The following RHOJ variants were observed in gnomAD, a reference collection of about 807,000 sequenced individuals.
RHOJ encodes rho-related GTP-binding protein RhoJ.
Under a neutral mutation model 23.4 loss-of-function variants are expected in RHOJ, and 11 were observed. The ratio of observed to expected loss-of-function variants is 0.47; its 90% CI spans 0.30 to 0.78. The LOEUF is 0.78. RHOJ is among the 30% of genes least tolerant of loss of function. RHOJ has a pLI of 0.08. For synonymous variants in RHOJ, 102 were observed against 102.7 expected, an observed-to-expected ratio of 0.99 and a Z score of 0.04; for missense variants, 254 against 273.4, an observed-to-expected ratio of 0.93 and a Z score of 0.50.
chr14:63,227,183 C>A (rs2139743380), intron 1 of RHOJ, among the ~76,000 whole-genome samples: 1 of 152,196 alleles, frequency 6.6e-6, no homozygotes, highest in Admixed American at 6.5e-5. Flanking sequence ...AACTCCTGGC[C>A]TCAGGTGATC....
At chr14:63,273,593 G>A (rs1387451461) in intron 2 of RHOJ, among the ~76,000 whole-genome samples, 1 of 152,174 alleles carries the variant, frequency 6.6e-6, no homozygotes, top group Non-Finnish European at 1.5e-5. Flanking sequence ...CCAGGTTATG[G>A]CTTGCAGCCA....
chr14:63,276,154 G>A (rs1881712116), intron 2 of RHOJ, among the ~76,000 whole-genome samples: 1 of 152,168 alleles, frequency 6.6e-6, no homozygotes, highest in Admixed American at 6.5e-5. Context: ...AGAATCACCT[G>A]GAGGGCTTGT....
intron 1 of RHOJ, among the ~76,000 whole-genome samples, chr14:63,222,085 T>A (rs571738586): frequency 6.6e-6 from 1 of 151,474 alleles, no homozygotes; most frequent in African/African-American, 2.4e-5. Flanking sequence ...TTGGTTTTTT[T>A]GTCCTTGCGA....
chr14:63,281,373 A>G (rs565290428), intron 3 of RHOJ, among the ~76,000 whole-genome samples: 2 of 152,076 alleles, frequency 1.3e-5, no homozygotes, highest in South Asian at 2.1e-4. Flanking sequence ...AATCTCTATG[A>G]TTTTTTTTAA....
At chr14:63,228,012 A>C (rs1375893909) in intron 1 of RHOJ, among the ~76,000 whole-genome samples, 1 of 152,180 alleles carries the variant, frequency 6.6e-6, no homozygotes, top group Non-Finnish European at 1.5e-5. Flanking sequence ...TCCTAGGATA[A>C]GAACGGCTTC....
chr14:63,259,655 G>A (rs886227584), intron 1 of RHOJ, among the ~76,000 whole-genome samples: 1 of 152,122 alleles, frequency 6.6e-6, no homozygotes, highest in Non-Finnish European at 1.5e-5. Context: ...TTGCAGAAAG[G>A]ATCCAACCGC....
At chr14:63,267,098 G>T (rs1260142882) in intron 1 of RHOJ, among the ~76,000 whole-genome samples, 2 of 152,196 alleles carry the variant, frequency 1.3e-5, no homozygotes, top group South Asian at 2.1e-4. Context: ...CTACCATTGA[G>T]TTCAGTCCAG....
At chr14:63,259,949 G>A (rs757775402) in intron 1 of RHOJ, among the ~76,000 whole-genome samples, 3 of 152,148 alleles carry the variant, frequency 2.0e-5, no homozygotes, top group Non-Finnish European at 2.9e-5. Context: ...ATAATCTTAG[G>A]ATGACAACCA....
chr14:63,270,938 A>G (rs10139434), intron 2 of RHOJ, among the ~76,000 whole-genome samples: 26,747 of 152,088 alleles, frequency 0.18, 2,710 homozygotes, highest in African/African-American at 0.28. Flanking sequence ...GCTTCTGTTT[A>G]ATTTTAAATC....
chr14:63,278,894 G>A (rs1230741446), intron 2 of RHOJ, among the ~76,000 whole-genome samples: 1 of 152,154 alleles, frequency 6.6e-6, no homozygotes, highest in East Asian at 1.9e-4. Context: ...GCTGAAGTGG[G>A]AGTATCGCTT....
chr14:63,222,625 T>G lies in RHOJ; in HGVS notation c.178+17578T>G, dbSNP rs527895302. The stretch of plus-strand genomic sequence containing the variant: ...TCTGTTGGCTGTGTAAATGTCTTCT[T>G]TTGAGAAGCGTCTGTTCATATCCTT... On this transcript the variant is annotated intron_variant, in intron 1 of 4. Transcript: ENST00000316754. Among the ~76,000 whole-genome samples, 8 of 152,342 alleles carry G rather than the reference T, an allele frequency of 5.3e-5. No individual in the cohort carries two copies. The East Asian group carries it at 1.3e-3, about 26-fold the overall frequency.
intron 1 of RHOJ, among the ~76,000 whole-genome samples, chr14:63,213,469 A>C (rs559125095): frequency 6.6e-6 from 1 of 152,212 alleles, no homozygotes; most frequent in African/African-American, 2.4e-5. Flanking sequence ...ACATGATTTC[A>C]TTCTTTTTAA....
Position 63,205,048 on chromosome 14 carries a change from G to T in RHOJ, c.178+1G>T. ...CCCACTGTGTTTGACCACTATGCAGGTAAGAAAAAGTGGGAAACTCTCTGC... is the reference window on the plus strand; with the variant it reads ...CCCACTGTGTTTGACCACTATGCAGTTAAGAAAAAGTGGGAAACTCTCTGC... On this transcript the variant is annotated splice_donor_variant, in intron 1 of 4. Coordinates refer to ENST00000316754, the MANE Select transcript of RHOJ (RefSeq NM_020663.5). LOFTEE classifies it high-confidence loss of function. 3 of 1,610,972 alleles carry T rather than the reference G, an allele frequency of 1.9e-6. No individual in the cohort carries two copies. Among genetic ancestry groups the T allele is most frequent in the Non-Finnish European group, 2.5e-6 (3 of 1,178,000 alleles).
At chr14:63,280,368 T>A (rs551416756) in intron 2 of RHOJ, among the ~76,000 whole-genome samples, 1 of 152,120 alleles carries the variant, frequency 6.6e-6, no homozygotes, top group African/African-American at 2.4e-5. Context: ...GAACTATTGT[T>A]ACCAGAGGCA....
intron 1 of RHOJ, among the ~76,000 whole-genome samples, chr14:63,262,437 T>G (rs1895289158): frequency 1.3e-5 from 2 of 152,148 alleles, no homozygotes; most frequent in Non-Finnish European, 2.9e-5. Flanking sequence ...TTTAATGGAT[T>G]TGGGGGAAAG....
intron 1 of RHOJ, among the ~76,000 whole-genome samples, chr14:63,252,460 G>A (rs1895089269): frequency 6.6e-6 from 1 of 152,152 alleles, no homozygotes; most frequent in Non-Finnish European, 1.5e-5. Flanking sequence ...ACCAGTTCAT[G>A]AATTCAAACA....
At chr14:63,236,672 T>A (rs1894795036) in intron 1 of RHOJ, among the ~76,000 whole-genome samples, 1 of 152,104 alleles carries the variant, frequency 6.6e-6, no homozygotes, top group Non-Finnish European at 1.5e-5. Context: ...CCAGTCTGTA[T>A]GTGGCATGAA....
chr14:63,247,086 G>A (rs781166280), intron 1 of RHOJ, among the ~76,000 whole-genome samples: 1 of 152,244 alleles, frequency 6.6e-6, no homozygotes, highest in Non-Finnish European at 1.5e-5. Flanking sequence ...TAGGCTGGGA[G>A]GCTTCTAGGA....
At chr14:63,233,088 G>A (rs967639292) in intron 1 of RHOJ, among the ~76,000 whole-genome samples, 2 of 152,114 alleles carry the variant, frequency 1.3e-5, no homozygotes, top group Non-Finnish European at 2.9e-5. Context: ...AATATTAATT[G>A]AGGAGAATGT....
Sources: gnomAD v4.1 joint callset for allele counts (sites outside exome capture counted in the v4.1 genomes callset) on GRCh38, gnomAD v4.1.1 for gene constraint, MANE v1.5 for transcripts, NCBI Gene and HGNC (gene_info 2026-07-23, HGNC 2026-07-21) for gene names.